FBH1: variants seen among roughly 807,000 people sequenced by gnomAD.
FBH1 encodes DNA 3'-5' helicase 1.
A neutral mutation model predicts 115.5 loss-of-function variants in FBH1; 43 were observed. The observed-to-expected ratio is 0.37, with a 90% CI of 0.29 to 0.48. The LOEUF (loss-of-function observed/expected upper bound fraction) is 0.48, where lower values mean the gene tolerates loss of function less well. FBH1 is among the 20% of genes least tolerant of loss of function. The pLI, the probability that FBH1 is intolerant of heterozygous loss-of-function variation, is 0.99. For missense variants in FBH1, 1,001 were observed against 1,337.3 expected (o/e 0.75, Z 3.92); for synonymous variants, 524 against 507.8 (o/e 1.03, Z -0.43).
rs569562424 is a variant in FBH1, at chr10:5,925,980, A to T, written c.2722+488A>T. On this transcript the variant is annotated intron_variant, in intron 18 of 20. Coordinates refer to ENST00000362091, the MANE Select transcript of FBH1 (RefSeq NM_178150.3). The surrounding 1 kb of genome is among the most constrained non-coding windows in gnomAD (Gnocchi z 4.6). ...AGACAGGGGTCTCACTATGTTGCTC[A>T]GGCTGGTCTCAAAGTCTTAGGCTCA... Among the ~76,000 whole-genome samples the T allele has an allele frequency of 2.0e-5, 3 of 152,290 alleles. No individual in the cohort carries two copies. Among genetic ancestry groups the T allele is most frequent in the East Asian group, 3.9e-4 (2 of 5,190 alleles).
rs1304790509 is a variant in FBH1 at position 5,921,552 on chromosome 10, A to G, written c.2305A>G (p.Arg769Gly). ...GGTGACGGAAGGGGAATTCCCTTCA[A>G]GGATACATTTGATTGGGGTAAGAGT... ...VRVTEGEFPS[R>G]IHLIGGIKSF... Residue 769 changes from arginine to glycine, a missense_variant, in exon 15 of 21, where the codon AGG becomes GGG. By Grantham distance (125) the Arg-to-Gly change is moderately radical. This residue lies in a region of FBH1 where 521 missense variants were observed against 811.0 expected (regional missense o/e 0.64). Coordinates refer to ENST00000362091, the MANE Select transcript of FBH1 (RefSeq NM_178150.3). This position sits in a 1 kb window ranked among gnomAD's most constrained non-coding sequence, Gnocchi z 6.4. The G allele has an allele frequency of 6.3e-7, 1 of 1,594,744 alleles. No individual in the cohort carries two copies. The highest frequency in any genetic ancestry group is 8.5e-7 in the Non-Finnish European group (1 of 1,175,554).
intron 1 of FBH1, among the ~76,000 whole-genome samples, chr10:5,892,941 T>A (rs994821755): frequency 1.3e-5 from 2 of 152,240 alleles, no homozygotes; most frequent in Non-Finnish European, 2.9e-5. Context: ...TCCATGTCTC[T>A]CCACCTTCTA....
Position 5,923,527 on chromosome 10 carries a change from G to A in FBH1, c.2323-94G>A. 1.0e-6 allele frequency: 1 copy of A among 1,000,454 alleles called. No homozygotes were observed. 62.0% of individuals were successfully genotyped at this position (1,000,454 alleles called of 1,614,324 possible). A position where few individuals can be genotyped will look rare whatever the true frequency, so the allele number is the denominator to read the frequency against. On this transcript the variant is annotated intron_variant, in intron 15 of 20. Transcript: ENST00000362091. The surrounding 1 kb of genome is among the most constrained non-coding windows in gnomAD (Gnocchi z 5.7). The stretch of plus-strand genomic sequence containing the variant: ...CATCTCATTTCAAAACCCCATCCCT[G>A]CATTTGCTTTATTTTGTTTTGTTAA...
rs2131998891 is a variant in FBH1 at position 5,915,277 on chromosome 10, G to GA, written c.1397-121dup. The GA allele has an allele frequency of 1.0e-6, 1 of 999,504 alleles. No homozygotes were observed. The highest frequency in any genetic ancestry group is 2.7e-5 in the East Asian group (1 of 37,550). 61.9% of individuals were successfully genotyped at this position (999,504 alleles called of 1,614,324 possible). ...TGGTGGCACTACTTTTACCAGCACT[G>GA]AAAAACTTGTTACTGTCCTGCTCTC... On this transcript the variant is annotated intron_variant, in intron 8 of 20. Transcript: ENST00000362091. This position sits in a 1 kb window ranked among gnomAD's most constrained non-coding sequence, Gnocchi z 5.2.
In FBH1 at chr10:5,914,315, T is replaced by C. The variant is rs754571074; in HGVS notation, c.1396+46T>C. The stretch of plus-strand genomic sequence containing the variant: ...TTCACGAGGTGGTGGTTTTCTGCCT[T>C]TTCTCCCTACATCCCCTTCCCGCTA... On this transcript the variant is annotated intron_variant, in intron 8 of 20. Coordinates refer to ENST00000362091, the MANE Select transcript of FBH1 (RefSeq NM_178150.3). The surrounding 1 kb of genome is among the most constrained non-coding windows in gnomAD (Gnocchi z 5.2). 1.3e-6 allele frequency: 2 copies of C among 1,542,596 alleles called. No homozygotes were observed.
Position 5,906,397 on chromosome 10 carries a change from T to C in FBH1, c.518T>C (p.Leu173Pro), listed in dbSNP as rs887914766. 10 of 1,613,960 alleles carry C rather than the reference T, an allele frequency of 6.2e-6. No individual in the cohort carries two copies. Among genetic ancestry groups the C allele is most frequent in the Non-Finnish European group, 7.6e-6 (9 of 1,179,932 alleles). The change falls in exon 3 of 21, where the codon CTC becomes CCC. Residue 173 changes from leucine to proline, a missense_variant. Transcript: ENST00000362091. The surrounding 1 kb of genome is among the most constrained non-coding windows in gnomAD (Gnocchi z 7.3). The stretch of plus-strand genomic sequence containing the variant: ...GAAGCAGAGGACAGTACGTCTCGGC[T>C]CTCTGCGGAGTCTGGTGAAACCGAC... ...RQEAEDSTSR[L>P]SAESGETDQD...
chr10:5,901,089 T>A (rs1843316395), intron 1 of FBH1, among the ~76,000 whole-genome samples: 2 of 151,564 alleles, frequency 1.3e-5, no homozygotes, highest in Non-Finnish European at 2.9e-5. Flanking sequence ...AGAGGGAGAC[T>A]CTGTCTCAAA....
chr10:5,911,534 G>A lies in FBH1; in HGVS notation c.1211+406G>A, dbSNP rs1431050525. Among the ~76,000 whole-genome samples the A allele has an allele frequency of 6.6e-6, 1 of 152,190 alleles. No homozygotes were observed. Among genetic ancestry groups the A allele is most frequent in the Non-Finnish European group, 1.5e-5 (1 of 68,024 alleles). On this transcript the variant is annotated intron_variant, in intron 6 of 20. Transcript: ENST00000362091. This position sits in a 1 kb window ranked among gnomAD's most constrained non-coding sequence, Gnocchi z 5.4. ...CCACCTTATCCTCCATGCGGGAGAGGCTATGGCGTGTCGGCTGCTGATTCA... is the reference window on the plus strand; with the variant it reads ...CCACCTTATCCTCCATGCGGGAGAGACTATGGCGTGTCGGCTGCTGATTCA...
chr10:5,893,531 T>C (rs1327720846), intron 1 of FBH1, among the ~76,000 whole-genome samples: 3 of 152,244 alleles, frequency 2.0e-5, no homozygotes, highest in South Asian at 2.1e-4. Flanking sequence ...TCTAGTGCAT[T>C]GTTAATGCCT....
In FBH1 at chr10:5,911,948, T is replaced by G. The variant is rs768438083; in HGVS notation, c.1211+820T>G. On this transcript the variant is annotated intron_variant, in intron 6 of 20. Coordinates refer to ENST00000362091, the MANE Select transcript of FBH1 (RefSeq NM_178150.3). This position sits in a 1 kb window ranked among gnomAD's most constrained non-coding sequence, Gnocchi z 5.4. ...TATAGATGCCTTAAGGGCCTGAAGA[T>G]GGGAATGAATTTGGGACATGTGAGG... is the stretch of plus-strand genomic sequence containing the variant. Among the ~76,000 whole-genome samples the G allele has an allele frequency of 6.6e-6, 1 of 151,774 alleles. No homozygotes were observed. Among genetic ancestry groups the G allele is most frequent in the Non-Finnish European group, 1.5e-5 (1 of 67,932 alleles).
rs1564468758 is a variant in FBH1, at chr10:5,936,162, A to G, written c.2830-294A>G. 9.2e-6 allele frequency: 2 copies of G among 217,534 alleles called. No individual in the cohort carries two copies. Among genetic ancestry groups the G allele is most frequent in the Non-Finnish European group, 1.9e-5 (2 of 103,882 alleles). 13.5% of individuals were successfully genotyped at this position (217,534 alleles called of 1,614,324 possible). A position where few individuals can be genotyped will look rare whatever the true frequency, so the allele number is the denominator to read the frequency against. ...AAGATTGAGCTGGGGATACCTTAGC[A>G]TAAAATAAAATCCAGAAATATTCTG... On this transcript the variant is annotated intron_variant, in intron 19 of 20. Transcript: ENST00000362091. This position sits in a 1 kb window ranked among gnomAD's most constrained non-coding sequence, Gnocchi z 5.6.
At chr10:5,894,960 G>T (rs113635692) in intron 1 of FBH1, 1 of 1,483,144 alleles carries the variant, frequency 6.7e-7, no homozygotes, top group Non-Finnish European at 9.1e-7. Flanking sequence ...TTTTATTCCT[G>T]CGAAGTGCTT....
chr10:5,925,578 T>C lies in FBH1; in HGVS notation c.2722+86T>C, dbSNP rs1371462759. The C allele has an allele frequency of 6.4e-7, 1 of 1,567,168 alleles. No individual in the cohort carries two copies. Among genetic ancestry groups the C allele is most frequent in the African/African-American group, 1.4e-5 (1 of 73,820 alleles). ...TTCCTTTGCACGGCCTTGTTGTTTG[T>C]TGGATGGTGTGGCCTCCTGGTAGGG... On this transcript the variant is annotated intron_variant, in intron 18 of 20. Transcript: ENST00000362091. This position sits in a 1 kb window ranked among gnomAD's most constrained non-coding sequence, Gnocchi z 4.6.
At chr10:5,922,174 G>T (rs1021562101) in intron 15 of FBH1, among the ~76,000 whole-genome samples, 4 of 152,178 alleles carry the variant, frequency 2.6e-5, no homozygotes, top group African/African-American at 9.7e-5. Context: ...TAGGCACTCA[G>T]TGAATATAGT....
intron 19 of FBH1, among the ~76,000 whole-genome samples, chr10:5,930,431 G>C (rs1013507269): frequency 6.6e-6 from 1 of 152,194 alleles, no homozygotes; most frequent in African/African-American, 2.4e-5. Context: ...TTCTTGGTTT[G>C]CTTCCCGGTG....
rs113761953 is a variant in FBH1, at chr10:5,933,162, C to T, written c.2830-3294C>T. ...CAGTACTTTGGGAGGCCTAGGAGGG[C>T]GGATCACTTGATGTCAGGAGTTCAA... is the stretch of plus-strand genomic sequence containing the variant. On this transcript the variant is annotated intron_variant, in intron 19 of 20. Coordinates refer to ENST00000362091, the MANE Select transcript of FBH1 (RefSeq NM_178150.3). The surrounding 1 kb of genome is among the most constrained non-coding windows in gnomAD (Gnocchi z 4.9). Among the ~76,000 whole-genome samples the T allele has an allele frequency of 0.079, 12,023 of 152,028 alleles. 1,522 individuals are homozygous for T. The highest frequency in any genetic ancestry group is 0.27 in the African/African-American group (11,260 of 41,444).
In FBH1 at chr10:5,917,329, C is replaced by G. The variant is rs1424207638; in HGVS notation, c.1789-91C>G. ...CCCCTTCTGTGAGGATGCCCTGGCT[C>G]CACTGCTGTATGGGAGTTGACAGTG... On this transcript the variant is annotated intron_variant, in intron 10 of 20. Coordinates refer to ENST00000362091, the MANE Select transcript of FBH1 (RefSeq NM_178150.3). The surrounding 1 kb of genome is among the most constrained non-coding windows in gnomAD (Gnocchi z 5.6). The G allele has an allele frequency of 2.9e-6, 3 of 1,051,874 alleles. No individual in the cohort carries two copies. The highest frequency in any genetic ancestry group is 2.5e-4 in the Middle Eastern group (1 of 3,980). The allele number at this position is 1,051,874 out of a possible 1,614,324, so 65.2% of individuals were successfully genotyped here. A position where few individuals can be genotyped will look rare whatever the true frequency, so the allele number is the denominator to read the frequency against.
chr10:5,899,044 G>A (rs1843176118), intron 1 of FBH1, among the ~76,000 whole-genome samples: 1 of 152,128 alleles, frequency 6.6e-6, no homozygotes, highest in African/African-American at 2.4e-5. Flanking sequence ...GCATGTGTAG[G>A]TACCTCTTCT....
rs1312630460 is a variant in FBH1, at chr10:5,924,164, G to A, written c.2399-147G>A. The A allele has an allele frequency of 4.3e-6, 3 of 696,478 alleles. No individual in the cohort carries two copies. Among genetic ancestry groups the A allele is most frequent in the East Asian group, 2.7e-5 (1 of 37,084 alleles). The allele number at this position is 696,478 out of a possible 1,614,324, so 43.1% of individuals were successfully genotyped here. On this transcript the variant is annotated intron_variant, in intron 16 of 20. Transcript: ENST00000362091. This position sits in a 1 kb window ranked among gnomAD's most constrained non-coding sequence, Gnocchi z 6.2. ...ACTGACTTGCCCAGGGACACACAGC[G>A]AGTTAGTGATGCAGTCAGGCCTGGA... is the stretch of plus-strand genomic sequence containing the variant.
Sources: gnomAD v4.1 joint callset for allele counts (sites outside exome capture counted in the v4.1 genomes callset) on GRCh38, gnomAD v4.1.1 for gene constraint, gnomAD v4.1.1 regional missense constraint, Gnocchi (gnomAD v3.1) non-coding constraint, MANE v1.5 for transcripts, NCBI Gene and HGNC (gene_info 2026-07-23, HGNC 2026-07-21) for gene names.